The following CRPPA variants were observed in gnomAD, a reference collection of about 807,000 sequenced individuals.
CRPPA encodes the protein D-ribitol-5-phosphate cytidylyltransferase.
CRPPA carries 43 observed loss-of-function variants against 52.0 expected under a neutral mutation model. That is an observed-to-expected ratio of 0.83 (90% CI 0.65 to 1.07). The LOEUF is 1.07. CRPPA is among the 50% of genes least tolerant of loss of function. The pLI is 0.00. For missense variants in CRPPA, 629 were observed against 551.7 expected, an observed-to-expected ratio of 1.14 and a Z score of -1.40; for synonymous variants, 250 against 203.5, an observed-to-expected ratio of 1.23 and a Z score of -1.94.
At position 16,153,040 on chromosome 7, in the gene CRPPA, A is replaced by C. The variant is rs1199796618; in HGVS notation, c.1252-61241T>G. Among the ~76,000 whole-genome samples the C allele has an allele frequency of 2.6e-5, 4 of 151,926 alleles. No individual in the cohort carries two copies. In the South Asian group the frequency reaches 6.2e-4, roughly 24 times the overall value. ...AATTGATAAAAAATGAATATTTGGGATTTTCTATATTTGGAATTCCAACTT... is the reference window on the plus strand; with the variant it reads ...AATTGATAAAAAATGAATATTTGGGCTTTTCTATATTTGGAATTCCAACTT... On this transcript the variant is annotated intron_variant, in intron 9 of 9. Coordinates refer to ENST00000407010, the MANE Select transcript of CRPPA (RefSeq NM_001101426.4).
At chr7:16,333,538 C>T (rs1217368080) in intron 3 of CRPPA, among the ~76,000 whole-genome samples, 1 of 152,134 alleles carries the variant, frequency 6.6e-6, no homozygotes, top group Non-Finnish European at 1.5e-5. Context: ...TTTCTGGATG[C>T]CACAAAAGCA....
intron 9 of CRPPA, among the ~76,000 whole-genome samples, chr7:16,177,577 A>G (rs2128386778): frequency 6.6e-6 from 1 of 152,220 alleles, no homozygotes; most frequent in Non-Finnish European, 1.5e-5. Context: ...TCTACCAAAC[A>G]CTATACAAAA....
intron 9 of CRPPA, among the ~76,000 whole-genome samples, chr7:16,108,587 C>G (rs1259151972): frequency 6.6e-6 from 1 of 151,770 alleles, no homozygotes; most frequent in Admixed American, 6.6e-5. Flanking sequence ...TATACTTGAA[C>G]AATACTTTAG....
intron 9 of CRPPA, among the ~76,000 whole-genome samples, chr7:16,107,183 G>T (rs1782172941): frequency 6.6e-6 from 1 of 151,456 alleles, no homozygotes; most frequent in South Asian, 2.1e-4. Context: ...AAAGCAGAAG[G>T]GCCAAAAAAA....
chr7:16,279,904 G>C (rs1784285965), intron 5 of CRPPA, among the ~76,000 whole-genome samples: 1 of 152,184 alleles, frequency 6.6e-6, no homozygotes, highest in African/African-American at 2.4e-5. Flanking sequence ...AATTTTATTG[G>C]ACTTACAGTT....
chr7:16,144,847 C>T (rs1023580747), intron 9 of CRPPA, among the ~76,000 whole-genome samples: 1 of 152,144 alleles, frequency 6.6e-6, no homozygotes, highest in Non-Finnish European at 1.5e-5. Flanking sequence ...CCTCTAGCTG[C>T]GCTGTCAGGT....
At chr7:16,150,255 T>G (rs957300843) in intron 9 of CRPPA, among the ~76,000 whole-genome samples, 1 of 152,194 alleles carries the variant, frequency 6.6e-6, no homozygotes, top group African/African-American at 2.4e-5. Context: ...TTTATTAGTT[T>G]TATTTTTCCT....
At chr7:16,356,433 T>C (rs1314913514) in intron 3 of CRPPA, among the ~76,000 whole-genome samples, 1 of 152,196 alleles carries the variant, frequency 6.6e-6, no homozygotes, top group Non-Finnish European at 1.5e-5. Context: ...GGGGAGTATC[T>C]GGTTTTCCTC....
At chr7:16,221,035 C>G (rs1159322414) in intron 8 of CRPPA, among the ~76,000 whole-genome samples, 2 of 152,112 alleles carry the variant, frequency 1.3e-5, no homozygotes, top group Non-Finnish European at 2.9e-5. Context: ...CACTACCTGA[C>G]TTCAAACTAT....
Position 16,333,712 on chromosome 7 carries a change from A to C in CRPPA, c.685-25085T>G, listed in dbSNP as rs78342907. On this transcript the variant is annotated intron_variant, in intron 3 of 9. Transcript: ENST00000407010. ...ATGGATGTAATGGATCTGTGACATC[A>C]GCAAGATGGCTGATTAGAATTTCTT... 6.3e-3 allele frequency among the ~76,000 whole-genome samples: 966 copies of C among 152,344 alleles called. 16 individuals carry two copies. The highest frequency in any genetic ancestry group is 0.023 in the African/African-American group (948 of 41,598).
intron 2 of CRPPA, among the ~76,000 whole-genome samples, chr7:16,398,297 T>G (rs952639597): frequency 6.6e-6 from 1 of 151,494 alleles, no homozygotes; most frequent in Admixed American, 6.6e-5. Flanking sequence ...AACACGTGAC[T>G]GACAGGTAAT....
intron 9 of CRPPA, among the ~76,000 whole-genome samples, chr7:16,112,659 A>G (rs377741216): frequency 2.0e-5 from 3 of 152,296 alleles, no homozygotes; most frequent in East Asian, 3.9e-4. Flanking sequence ...ACATTGTACT[A>G]TGTGCAAGGA....
intron 5 of CRPPA, among the ~76,000 whole-genome samples, chr7:16,298,122 C>G (rs1784712284): frequency 6.6e-6 from 1 of 152,062 alleles, no homozygotes; most frequent in African/African-American, 2.4e-5. Flanking sequence ...AATTTGAATA[C>G]AAGTCATAAA....
chr7:16,123,718 G>A (rs925322638), intron 9 of CRPPA, among the ~76,000 whole-genome samples: 2 of 152,086 alleles, frequency 1.3e-5, no homozygotes, highest in Non-Finnish European at 1.5e-5. Flanking sequence ...GAGGATTTAA[G>A]GGAGATTCTA....
At chr7:16,233,534 C>T (rs978080149) in intron 8 of CRPPA, among the ~76,000 whole-genome samples, 1 of 152,044 alleles carries the variant, frequency 6.6e-6, no homozygotes, top group Non-Finnish European at 1.5e-5. Context: ...GGACCTAAAT[C>T]AAACTTCTAG....
intron 5 of CRPPA, among the ~76,000 whole-genome samples, chr7:16,296,160 C>A (rs1356217227): frequency 1.3e-5 from 2 of 152,098 alleles, no homozygotes; most frequent in African/African-American, 4.8e-5. Context: ...CATATAAACA[C>A]ACTGATGCTA....
intron 2 of CRPPA, among the ~76,000 whole-genome samples, chr7:16,401,489 C>T (rs781080755): frequency 1.3e-5 from 2 of 152,122 alleles, no homozygotes; most frequent in African/African-American, 4.8e-5. Flanking sequence ...ACTAGAGGTG[C>T]TGGAGTACAA....
At chr7:16,417,756 C>T (rs1033547641) in intron 1 of CRPPA, among the ~76,000 whole-genome samples, 3 of 152,048 alleles carry the variant, frequency 2.0e-5, no homozygotes, top group African/African-American at 7.2e-5. Flanking sequence ...AACAAATCTA[C>T]ACACACATTC....
chr7:16,421,087 T>C lies in CRPPA; in HGVS notation c.236A>G (p.Tyr79Cys). 1 of 1,296,232 alleles carries C rather than the reference T, an allele frequency of 7.7e-7. No individual in the cohort carries two copies. Among genetic ancestry groups the C allele is most frequent in the Non-Finnish European group, 9.8e-7 (1 of 1,015,288 alleles). The allele number at this position is 1,296,232 out of a possible 1,614,324, so 80.3% of individuals were successfully genotyped here. A position where few individuals can be genotyped will look rare whatever the true frequency, so the allele number is the denominator to read the frequency against. ...TTACCTCTCCAGGGCCTGTAGGGTG[T>C]AGCTGATGAGCGGCCTCTCCAGGAT... ...CPILERPLIS[Y>C]TLQALERVCW... Residue 79 changes from tyrosine (Y) to cysteine (C), a missense_variant, in exon 1 of 10, where the codon TAC becomes TGC. By Grantham distance (194) the Tyr-to-Cys change is radical. Coordinates refer to ENST00000407010, the MANE Select transcript of CRPPA (RefSeq NM_001101426.4).
Sources: allele counts gnomAD v4.1 joint callset (sites outside exome capture counted in the v4.1 genomes callset), GRCh38; gene constraint gnomAD v4.1.1; transcripts MANE v1.5; gene names NCBI Gene and HGNC (gene_info 2026-07-23, HGNC 2026-07-21).